SV2C: variants seen among roughly 807,000 people sequenced by gnomAD.
SV2C encodes the protein solute carrier family 22 member B3.
Under a neutral mutation model 79.7 loss-of-function variants are expected in SV2C, and 49 were observed. The observed-to-expected ratio is 0.61, with a 90% CI of 0.49 to 0.78. The LOEUF is 0.78. SV2C is among the 30% of genes least tolerant of loss of function. The pLI is 0.00. For synonymous variants in SV2C, 334 were observed against 333.2 expected, an observed-to-expected ratio of 1.00 and a Z score of -0.03; for missense variants, 833 against 912.9, an observed-to-expected ratio of 0.91 and a Z score of 1.13.
chr5:76,073,544 T>TATATATATATATAG, the SV2C span, among the ~76,000 whole-genome samples: 1 of 121,094 alleles, frequency 8.3e-6, no homozygotes, highest in Non-Finnish European at 1.7e-5. Flanking sequence ...TATATATATA[T>TATATATATATATAG]ACACCATGGA....
At chr5:76,110,252 A>C in intron 1 of SV2C, among the ~76,000 whole-genome samples, 1 of 152,180 alleles carries the variant, frequency 6.6e-6, no homozygotes, top group South Asian at 2.1e-4. Context: ...CAGAGAAAGA[A>C]ACAGAGGCAG....
At chr5:76,100,944 C>T (rs1376454236) in intron 1 of SV2C, among the ~76,000 whole-genome samples, 2 of 152,192 alleles carry the variant, frequency 1.3e-5, no homozygotes, top group African/African-American at 2.4e-5. Flanking sequence ...CAAATATTTC[C>T]ACACGTCCCC....
chr5:75,920,677 G>A, the SV2C span: 2 of 707,778 alleles, frequency 2.8e-6, no homozygotes, highest in Non-Finnish European at 5.2e-6. Flanking sequence ...CACTCCTGCA[G>A]CTCCTTCATT....
the SV2C span, among the ~76,000 whole-genome samples, chr5:75,947,625 C>G: frequency 6.6e-6 from 1 of 152,026 alleles, no homozygotes; most frequent in Non-Finnish European, 1.5e-5. Flanking sequence ...ATCCTAATTT[C>G]ACCAGTGGCA....
the SV2C span, among the ~76,000 whole-genome samples, chr5:75,882,755 T>C: frequency 7.9e-3 from 1,196 of 151,130 alleles, 22 homozygotes; most frequent in African/African-American, 0.027. Context: ...TAATTCAAGA[T>C]GGATTAAAGA....
chr5:76,092,195 C>T (rs1325129444), intron 1 of SV2C, among the ~76,000 whole-genome samples: 1 of 152,146 alleles, frequency 6.6e-6, no homozygotes, highest in Non-Finnish European at 1.5e-5. Flanking sequence ...AAGGACCTTA[C>T]ATATTTTACT....
rs114799981 is a variant in SV2C at position 76,307,950 on chromosome 5, C to T, written c.2000+6405C>T. ...TGTGTTTCAAGTGTGTTCATAGTTG[C>T]TCATTGAAGCCTTATTATGGCTGCT... On this transcript the variant is annotated intron_variant, in intron 12 of 12. Transcript: ENST00000502798. Among the ~76,000 whole-genome samples the T allele has an allele frequency of 8.0e-3, 1,219 of 152,222 alleles. 10 individuals carry two copies. The highest frequency in any genetic ancestry group is 0.024 in the African/African-American group (1,013 of 41,516).
chr5:76,266,888 C>A (rs1746676712), intron 4 of SV2C, among the ~76,000 whole-genome samples: 1 of 152,036 alleles, frequency 6.6e-6, no homozygotes, highest in South Asian at 2.1e-4. Flanking sequence ...AGACACAGAG[C>A]TAGTAATGAG....
At chr5:75,911,993 G>T in the SV2C span, 2 of 316,544 alleles carry the variant, frequency 6.3e-6, no homozygotes, top group Non-Finnish European at 1.3e-5. Context: ...AGGAATGCTG[G>T]TGCTCTCTAA....
chr5:76,278,345 T>C (rs555436882), intron 4 of SV2C, among the ~76,000 whole-genome samples: 1 of 152,108 alleles, frequency 6.6e-6, no homozygotes, highest in Non-Finnish European at 1.5e-5. Context: ...TGATAAGAGC[T>C]GTCAAGACAA....
At chr5:75,900,047 G>A in the SV2C span, among the ~76,000 whole-genome samples, 1 of 152,156 alleles carries the variant, frequency 6.6e-6, no homozygotes, top group Non-Finnish European at 1.5e-5. Context: ...TTTAATTGGA[G>A]CATTTATTCC....
the SV2C span, among the ~76,000 whole-genome samples, chr5:75,995,972 A>G: frequency 0.83 from 125,565 of 152,156 alleles, 52,125 homozygotes; most frequent in Middle Eastern, 0.91. Flanking sequence ...AGTGAAAACA[A>G]CAGAGCCAAC....
intron 1 of SV2C, among the ~76,000 whole-genome samples, chr5:76,085,720 T>C (rs1356037571): frequency 1.3e-5 from 2 of 152,130 alleles, no homozygotes; most frequent in Non-Finnish European, 2.9e-5. Flanking sequence ...CTAGCTCTTA[T>C]GTACCTTACA....
chr5:75,878,279 C>A, the SV2C span, among the ~76,000 whole-genome samples: 4 of 152,100 alleles, frequency 2.6e-5, 1 homozygote, highest in South Asian at 8.3e-4. Flanking sequence ...TATGAAATAT[C>A]TTCCTATTCT....
At chr5:76,157,582 C>T (rs1554036570) in intron 2 of SV2C, among the ~76,000 whole-genome samples, 4 of 151,578 alleles carry the variant, frequency 2.6e-5, no homozygotes, top group Non-Finnish European at 5.9e-5. Flanking sequence ...TACACACATA[C>T]ATATATATAT....
At chr5:76,141,294 T>C (rs1749242835) in intron 2 of SV2C, among the ~76,000 whole-genome samples, 1 of 152,122 alleles carries the variant, frequency 6.6e-6, no homozygotes, top group South Asian at 2.1e-4. Context: ...CACTGAGGGT[T>C]TTCCATAATA....
intron 2 of SV2C, among the ~76,000 whole-genome samples, chr5:76,193,790 T>A (rs1009908451): frequency 3.3e-5 from 5 of 152,120 alleles, no homozygotes; most frequent in African/African-American, 1.2e-4. Context: ...GTCTGTTAGA[T>A]CAAGTTGAAT....
chr5:76,209,473 A>G (rs1190151877), intron 3 of SV2C, among the ~76,000 whole-genome samples: 1 of 152,254 alleles, frequency 6.6e-6, no homozygotes, highest in Non-Finnish European at 1.5e-5. Context: ...GTTAAGCTCT[A>G]TCAACCACCT....
At chr5:76,062,500 C>T in the SV2C span, among the ~76,000 whole-genome samples, 1 of 151,976 alleles carries the variant, frequency 6.6e-6, no homozygotes, top group Non-Finnish European at 1.5e-5. Context: ...GACTCCAGAA[C>T]TGTAAGAAAT....
Sources: allele counts gnomAD v4.1 joint callset (sites outside exome capture counted in the v4.1 genomes callset), GRCh38; gene constraint gnomAD v4.1.1; transcripts MANE v1.5; gene names NCBI Gene and HGNC (gene_info 2026-07-23, HGNC 2026-07-21).